Variants in PIP5K1A observed in about 807,000 individuals in gnomAD.
PIP5K1A encodes the protein phosphatidylinositol 4-phosphate 5-kinase type-1 alpha.
Under a neutral mutation model 72.9 loss-of-function variants are expected in PIP5K1A, and 46 were observed. The ratio of observed to expected loss-of-function variants is 0.63; its 90% CI spans 0.50 to 0.81. The LOEUF is 0.81. Among genes scored for constraint, PIP5K1A ranks in the 30% least tolerant of loss-of-function variants. The pLI is 0.00. For missense variants in PIP5K1A, 458 were observed against 706.1 expected (o/e 0.65, Z 3.98); for synonymous variants, 228 against 255.1 (o/e 0.89, Z 1.01).
At chr1:151,207,150 G>A (rs587687817) in intron 1 of PIP5K1A, among the ~76,000 whole-genome samples, 64 of 152,330 alleles carry the variant, frequency 4.2e-4, no homozygotes, top group African/African-American at 1.5e-3. Flanking sequence ...GATTACAGGC[G>A]TGAGCCACCG....
At chr1:151,215,548 G>C (rs1326542909) in intron 1 of PIP5K1A, among the ~76,000 whole-genome samples, 1 of 151,910 alleles carries the variant, frequency 6.6e-6, no homozygotes, top group African/African-American at 2.4e-5. Flanking sequence ...CAGGAGGCTG[G>C]TCTTGTGAAC....
At chr1:151,231,601 C>G (rs1690083032) in intron 4 of PIP5K1A, 70 bp from the exon 5 acceptor site, 3 of 1,396,294 alleles carry the variant, frequency 2.1e-6, no homozygotes. Context: ...CTAGCTTCCC[C>G]TTTCTGAATT....
intron 14 of PIP5K1A, among the ~76,000 whole-genome samples, chr1:151,246,199 A>AT (rs1332377623): frequency 6.6e-6 from 1 of 152,176 alleles, no homozygotes; most frequent in African/African-American, 2.4e-5. Context: ...GTGAGCCAAG[A>AT]TAGTGCCACT....
chr1:151,228,439 C>T (rs866764322), intron 4 of PIP5K1A, among the ~76,000 whole-genome samples: 92 of 152,260 alleles, frequency 6.0e-4, no homozygotes, highest in Admixed American at 1.8e-3. Flanking sequence ...GGTGATTGAC[C>T]GTGTCTCACC....
intron 5 of PIP5K1A, 136 bp from the exon 6 acceptor site, chr1:151,232,112 A>C (rs587669648): frequency 2.1e-5 from 15 of 702,930 alleles, no homozygotes; most frequent in Non-Finnish European, 3.3e-5. Context: ...CTCATCTAAG[A>C]AGGGCTGTGA....
chr1:151,236,223 T>C (rs1690839866), intron 8 of PIP5K1A, among the ~76,000 whole-genome samples: 1 of 151,676 alleles, frequency 6.6e-6, no homozygotes, highest in Non-Finnish European at 1.5e-5. Context: ...CTCATACCAA[T>C]AGTCCCAGCA....
intron 3 of PIP5K1A, among the ~76,000 whole-genome samples, chr1:151,226,843 A>G (rs1689219825): frequency 6.6e-6 from 1 of 151,658 alleles, no homozygotes; most frequent in Non-Finnish European, 1.5e-5. Flanking sequence ...CCTGGCCAAC[A>G]TGGTGAAACC....
At chr1:151,241,068 C>T (rs887132270) in intron 12 of PIP5K1A, among the ~76,000 whole-genome samples, 12 of 152,084 alleles carry the variant, frequency 7.9e-5, no homozygotes, top group African/African-American at 2.9e-4. Flanking sequence ...GAGGCTGAGG[C>T]AGGAGAATCA....
At chr1:151,209,437 ATT>A (rs34643257) in intron 1 of PIP5K1A, among the ~76,000 whole-genome samples, 22 of 118,138 alleles carry the variant, frequency 1.9e-4, no homozygotes, top group Admixed American at 3.6e-4. Context: ...TGCCTGGCTA[ATT>A]TTTTTTTTTT....
intron 1 of PIP5K1A, among the ~76,000 whole-genome samples, chr1:151,202,496 G>A (rs114234698): frequency 0.011 from 1,607 of 152,160 alleles, 28 homozygotes; most frequent in African/African-American, 0.031. Flanking sequence ...TTTTTAGGTG[G>A]ACTCTTGCTC....
chr1:151,236,076 G>A (rs887978820), intron 8 of PIP5K1A, among the ~76,000 whole-genome samples: 15 of 147,672 alleles, frequency 1.0e-4, no homozygotes, highest in Non-Finnish European at 1.8e-4. Context: ...AGCCAAGATC[G>A]CGCCACTGTA....
chr1:151,219,944 G>A (rs1688183445), intron 1 of PIP5K1A, among the ~76,000 whole-genome samples: 1 of 147,532 alleles, frequency 6.8e-6, no homozygotes, highest in Admixed American at 7.0e-5. Context: ...TCCCATCTTG[G>A]CCTCCCAAAG....
intron 1 of PIP5K1A, among the ~76,000 whole-genome samples, chr1:151,201,075 C>T (rs587748497): frequency 1.3e-5 from 2 of 152,318 alleles, no homozygotes; most frequent in African/African-American, 2.4e-5. Context: ...ACCCTGTGAT[C>T]CGCCCGCCTT....
At chr1:151,196,253 G>A (rs1355786600), upstream of PIP5K1A, among the ~76,000 whole-genome samples, 3 of 152,044 alleles carry the variant, frequency 2.0e-5, no homozygotes, top group Non-Finnish European at 4.4e-5. Flanking sequence ...TGCCTTTTCG[G>A]AAAACAAGGA....
chr1:151,248,056 T>C lies in PIP5K1A; in HGVS notation c.*191T>C, dbSNP rs1292094386. ...TTCTCTCCTTCCTCTTCCTCATGAA[T>C]GGGCCTTAGTGCCTCAGAGAGTTGA... On this transcript the variant is annotated 3_prime_UTR_variant, in exon 16 of 16. Coordinates refer to ENST00000368888, the MANE Select transcript of PIP5K1A (RefSeq NM_001135638.2). 4.8e-6 allele frequency: 3 copies of C among 620,986 alleles called. No individual in the cohort carries two copies. The highest frequency in any genetic ancestry group is 5.7e-6 in the Non-Finnish European group (2 of 348,314). The allele number at this position is 620,986 out of a possible 1,614,324, so 38.5% of individuals were successfully genotyped here. A position where few individuals can be genotyped will look rare whatever the true frequency, so the allele number is the denominator to read the frequency against.
chr1:151,211,787 C>G (rs1005177286), intron 1 of PIP5K1A, among the ~76,000 whole-genome samples: 1 of 148,030 alleles, frequency 6.8e-6, no homozygotes, highest in Non-Finnish European at 1.5e-5. Context: ...GCCTGGGCGA[C>G]AGAGCAAGAG....
At chr1:151,196,820 C>CAAAGT (rs1160355248), upstream of PIP5K1A, among the ~76,000 whole-genome samples, 4 of 150,818 alleles carry the variant, frequency 2.7e-5, no homozygotes, top group Non-Finnish European at 5.9e-5. Flanking sequence ...CTCGGCCTCC[C>CAAAGT]AAAGTGCTGG....
intron 7 of PIP5K1A, among the ~76,000 whole-genome samples, chr1:151,233,099 CAAAA>C (rs11431839): frequency 8.4e-5 from 9 of 107,532 alleles, no homozygotes; most frequent in African/African-American, 1.5e-4. Flanking sequence ...GACTCCGTCT[CAAAA>C]AAAAAAAAAA....
intron 1 of PIP5K1A, among the ~76,000 whole-genome samples, chr1:151,208,834 G>A (rs1227934109): frequency 3.7e-5 from 5 of 136,960 alleles, no homozygotes; most frequent in African/African-American, 1.1e-4. Flanking sequence ...CTGGGTTCAC[G>A]CCATTCTCTT....
Sources: gnomAD v4.1 joint callset for allele counts (sites outside exome capture counted in the v4.1 genomes callset) on GRCh38, gnomAD v4.1.1 for gene constraint, MANE v1.5 for transcripts, NCBI Gene and HGNC (gene_info 2026-07-23, HGNC 2026-07-21) for gene names.